The following EVI5 variants were observed in gnomAD, a reference collection of about 807,000 sequenced individuals.
EVI5 encodes the protein ecotropic viral integration site 5 protein homolog.
In EVI5, 73 loss-of-function variants were observed where a neutral mutation model predicts 112.0. The ratio of observed to expected loss-of-function variants is 0.65; its 90% CI spans 0.54 to 0.79. The LOEUF (loss-of-function observed/expected upper bound fraction) is 0.79, where lower values mean the gene tolerates loss of function less well. EVI5 is among the 30% of genes least tolerant of loss of function. The probability of loss-of-function intolerance (pLI) is 0.00; values close to 1 mark genes in which losing one functional copy is unlikely to be tolerated. For synonymous variants in EVI5, 305 were observed against 319.9 expected (o/e 0.95, Z 0.50); for missense variants, 900 against 968.8 (o/e 0.93, Z 0.94).
At position 92,550,668 on chromosome 1, in the gene EVI5, A is replaced by T. The variant is rs1666649610; in HGVS notation, c.2166+12974T>A. 2.9e-5 allele frequency among the ~76,000 whole-genome samples: 4 copies of T among 137,574 alleles called. No homozygotes were observed. In the South Asian group the frequency reaches 1.0e-3, roughly 34 times the overall value. 90.3% of individuals were successfully genotyped at this position (137,574 alleles called of 152,430 possible). On this transcript the variant is annotated intron_variant, in intron 19 of 19. Coordinates refer to ENST00000684568, the MANE Select transcript of EVI5 (RefSeq NM_001350197.2). The stretch of plus-strand genomic sequence containing the variant: ...AGGCTGAGGCAGGGGAATGGTGTGA[A>T]CCTGGGAGGCAGAGCTTGCAGTGAG...
At chr1:92,586,491 T>C (rs1672805546) in intron 18 of EVI5, among the ~76,000 whole-genome samples, 2 of 152,020 alleles carry the variant, frequency 1.3e-5, no homozygotes, top group South Asian at 2.1e-4. Flanking sequence ...TATGTAATAC[T>C]TCAAAATTTT....
At chr1:92,683,042 C>T (rs1294794777) in intron 9 of EVI5, among the ~76,000 whole-genome samples, 2 of 152,118 alleles carry the variant, frequency 1.3e-5, no homozygotes, top group African/African-American at 4.8e-5. Context: ...AATCTAGGAC[C>T]TAACTGGCAA....
intron 1 of EVI5, chr1:92,792,243 G>A (rs539727574): frequency 2.7e-5 from 20 of 752,898 alleles, no homozygotes; most frequent in Admixed American, 9.5e-5. Flanking sequence ...AAGATTAAGC[G>A]AAATATACAA....
At chr1:92,638,270 T>C (rs765234154) in intron 13 of EVI5, among the ~76,000 whole-genome samples, 2 of 152,210 alleles carry the variant, frequency 1.3e-5, no homozygotes, top group Admixed American at 6.5e-5. Context: ...TCTTTATTAA[T>C]AAAATTTACA....
At chr1:92,570,826 G>T (rs758984241) in intron 18 of EVI5, among the ~76,000 whole-genome samples, 1 of 152,082 alleles carries the variant, frequency 6.6e-6, no homozygotes, top group African/African-American at 2.4e-5. Flanking sequence ...TAAAAACTTT[G>T]TAATAGCACT....
chr1:92,630,689 A>T (rs1656843621), intron 14 of EVI5, among the ~76,000 whole-genome samples: 1 of 151,912 alleles, frequency 6.6e-6, no homozygotes. Context: ...CCCATTTGTC[A>T]ATTTTGGCTT....
At chr1:92,555,113 T>A (rs1044138694) in intron 19 of EVI5, among the ~76,000 whole-genome samples, 1 of 152,248 alleles carries the variant, frequency 6.6e-6, no homozygotes, top group Non-Finnish European at 1.5e-5. Flanking sequence ...TCTTTCATTA[T>A]CTACATGGGA....
At chr1:92,584,749 T>C (rs541658208) in intron 18 of EVI5, among the ~76,000 whole-genome samples, 4 of 152,166 alleles carry the variant, frequency 2.6e-5, no homozygotes, top group East Asian at 1.9e-4. Flanking sequence ...TCTTAGTAAT[T>C]AGAAAAAGTA....
chr1:92,607,481 T>C (rs1571856937), intron 17 of EVI5, 100 bp downstream of exon 17: 1 of 855,318 alleles, frequency 1.2e-6, no homozygotes, highest in Non-Finnish European at 1.6e-6. Flanking sequence ...GGACGAGCTT[T>C]TTTGTTTTGT....
intron 19 of EVI5, among the ~76,000 whole-genome samples, chr1:92,546,695 C>CA (rs200755688): frequency 0.013 from 1,914 of 151,342 alleles, 40 homozygotes; most frequent in African/African-American, 0.043. Flanking sequence ...GACTCTATCT[C>CA]AAAAAAAATA....
chr1:92,685,760 T>C (rs1223378112), intron 9 of EVI5, among the ~76,000 whole-genome samples: 1 of 152,170 alleles, frequency 6.6e-6, no homozygotes. Context: ...CAGAGAATAC[T>C]ATAAATACCT....
At chr1:92,734,366 C>T (rs533606525) in intron 2 of EVI5, among the ~76,000 whole-genome samples, 3 of 152,252 alleles carry the variant, frequency 2.0e-5, no homozygotes, top group South Asian at 2.1e-4. Context: ...AAACACTTGC[C>T]GAAAGTAACT....
intron 11 of EVI5, among the ~76,000 whole-genome samples, chr1:92,664,696 T>C (rs1404525048): frequency 6.6e-6 from 1 of 152,226 alleles, no homozygotes; most frequent in African/African-American, 2.4e-5. Context: ...GCAATTATTA[T>C]ACAACAAAGG....
intron 13 of EVI5, among the ~76,000 whole-genome samples, chr1:92,639,838 T>G (rs1221100443): frequency 6.6e-6 from 1 of 152,154 alleles, no homozygotes; most frequent in Non-Finnish European, 1.5e-5. Context: ...AGAACAAAGC[T>G]GGAGGCATCA....
intron 10 of EVI5, among the ~76,000 whole-genome samples, chr1:92,666,926 T>C (rs1665009454): frequency 6.6e-6 from 1 of 152,150 alleles, no homozygotes; most frequent in South Asian, 2.1e-4. Context: ...CCTATATAAT[T>C]AATATTCAAA....
chr1:92,770,625 C>G (rs1051346517), intron 1 of EVI5, among the ~76,000 whole-genome samples: 1 of 151,854 alleles, frequency 6.6e-6, no homozygotes, highest in Non-Finnish European at 1.5e-5. Flanking sequence ...CCTGATTCTA[C>G]TAAAAATACC....
intron 16 of EVI5, among the ~76,000 whole-genome samples, chr1:92,609,393 T>C (rs1651209723): frequency 7.2e-5 from 1 of 13,972 alleles, no homozygotes; most frequent in African/African-American, 3.1e-4. Flanking sequence ...AGTCTCACTT[T>C]GTTGCTCAGG....
At chr1:92,731,310 C>T (rs1676423176) in intron 2 of EVI5, among the ~76,000 whole-genome samples, 1 of 152,038 alleles carries the variant, frequency 6.6e-6, no homozygotes, top group African/African-American at 2.4e-5. Context: ...GTGAGTGAGG[C>T]CCCATTTCAA....
intron 19 of EVI5, among the ~76,000 whole-genome samples, chr1:92,522,050 A>G (rs548847895): frequency 1.3e-3 from 194 of 152,298 alleles, no homozygotes; most frequent in African/African-American, 4.6e-3. Flanking sequence ...TTTTCACTTA[A>G]TAACATATCA....
Sources: allele counts gnomAD v4.1 joint callset (sites outside exome capture counted in the v4.1 genomes callset), GRCh38; gene constraint gnomAD v4.1.1; transcripts MANE v1.5; gene names NCBI Gene and HGNC (gene_info 2026-07-23, HGNC 2026-07-21).